Variants in GALNT13 observed in about 807,000 individuals in gnomAD.
GALNT13 encodes UDP-GalNAc:polypeptide N-acetylgalactosaminyltransferase 13.
In GALNT13, 28 loss-of-function variants were observed where a neutral mutation model predicts 64.2. That is an observed-to-expected ratio of 0.44 (90% CI 0.32 to 0.60). The LOEUF (loss-of-function observed/expected upper bound fraction) is 0.60, where lower values mean the gene tolerates loss of function less well. GALNT13 is among the 20% of genes least tolerant of loss of function. The pLI, the probability that GALNT13 is intolerant of heterozygous loss-of-function variation, is 0.05. For synonymous variants in GALNT13, 214 were observed against 224.6 expected (o/e 0.95, Z 0.42); for missense variants, 577 against 669.8 (o/e 0.86, Z 1.53).
the GALNT13 span, among the ~76,000 whole-genome samples, chr2:153,584,283 T>A: frequency 6.6e-6 from 1 of 152,100 alleles, no homozygotes; most frequent in Non-Finnish European, 1.5e-5. Context: ...GCTTGCCTGG[T>A]CCAATTTCAC....
chr2:153,536,880 T>C, the GALNT13 span, among the ~76,000 whole-genome samples: 1 of 152,292 alleles, frequency 6.6e-6, no homozygotes, highest in Non-Finnish European at 1.5e-5. Context: ...ATGATAGAAA[T>C]GTGTAATTAA....
chr2:153,262,086 A>G, the GALNT13 span, among the ~76,000 whole-genome samples: 1 of 152,130 alleles, frequency 6.6e-6, no homozygotes, highest in Non-Finnish European at 1.5e-5. Flanking sequence ...AAGATGCAAG[A>G]CCGAGTCCCC....
At chr2:154,109,848 A>G (rs539449002) in intron 3 of GALNT13, among the ~76,000 whole-genome samples, 1 of 152,080 alleles carries the variant, frequency 6.6e-6, no homozygotes, top group African/African-American at 2.4e-5. Flanking sequence ...ACTTTTAGTA[A>G]GTTGTTGATT....
At chr2:154,208,290 T>C (rs1197594865) in intron 4 of GALNT13, among the ~76,000 whole-genome samples, 1 of 152,200 alleles carries the variant, frequency 6.6e-6, no homozygotes, top group Non-Finnish European at 1.5e-5. Flanking sequence ...TTCTTGTTTT[T>C]TTGAGTCATT....
chr2:153,203,732 T>G, the GALNT13 span, among the ~76,000 whole-genome samples: 1 of 152,202 alleles, frequency 6.6e-6, no homozygotes, highest in Non-Finnish European at 1.5e-5. Context: ...TTAACCTTGT[T>G]AAGTGACTTT....
chr2:153,909,368 A>T (rs1370398109), intron 2 of GALNT13, among the ~76,000 whole-genome samples: 4 of 152,166 alleles, frequency 2.6e-5, no homozygotes, highest in Non-Finnish European at 5.9e-5. Flanking sequence ...ATACAGAAAC[A>T]CATCATCTGC....
the GALNT13 span, among the ~76,000 whole-genome samples, chr2:153,092,713 A>G: frequency 1.3e-5 from 2 of 152,178 alleles, no homozygotes; most frequent in African/African-American, 4.8e-5. Flanking sequence ...GAATTTGTAT[A>G]TCAGTTCTAA....
chr2:153,311,307 T>A, the GALNT13 span, among the ~76,000 whole-genome samples: 2 of 152,168 alleles, frequency 1.3e-5, no homozygotes, highest in Non-Finnish European at 2.9e-5. Flanking sequence ...GGATTTATAC[T>A]TGGAAGACGC....
At chr2:153,413,301 C>T in the GALNT13 span, among the ~76,000 whole-genome samples, 1 of 152,112 alleles carries the variant, frequency 6.6e-6, no homozygotes, top group Admixed American at 6.6e-5. Flanking sequence ...CTTGGGTAGA[C>T]TGTGGAGTGG....
intron 3 of GALNT13, among the ~76,000 whole-genome samples, chr2:154,092,103 C>G (rs1007602533): frequency 1.2e-4 from 15 of 128,896 alleles, no homozygotes; most frequent in African/African-American, 3.8e-4. Flanking sequence ...AAAAAAAAAG[C>G]TATAATTTAG....
rs1265821085 is a variant in GALNT13, at chr2:154,228,508, G to A, written c.312-13522G>A. Among the ~76,000 whole-genome samples, 4 of 152,090 alleles carry A rather than the reference G, an allele frequency of 2.6e-5. No individual in the cohort carries two copies. The South Asian group carries it at 8.3e-4, about 31-fold the overall frequency. ...TTTCTGAAATCGTCCCCTGGATGTG[G>A]TCCCTGCTATTGTTACTGAAACACT... is the stretch of plus-strand genomic sequence containing the variant. On this transcript the variant is annotated intron_variant, in intron 4 of 12. Coordinates refer to ENST00000392825, the MANE Select transcript of GALNT13 (RefSeq NM_052917.4).
At chr2:153,987,461 A>G (rs182379531) in intron 3 of GALNT13, among the ~76,000 whole-genome samples, 19 of 152,082 alleles carry the variant, frequency 1.2e-4, no homozygotes, top group South Asian at 1.0e-3. Context: ...AAATATTATT[A>G]GACTCAATCA....
intron 1 of GALNT13, among the ~76,000 whole-genome samples, chr2:153,879,690 A>G (rs1686650898): frequency 1.3e-5 from 2 of 151,974 alleles, no homozygotes; most frequent in Admixed American, 6.6e-5. Flanking sequence ...GAGCCACAAA[A>G]CTTGAAGTAG....
intron 11 of GALNT13, among the ~76,000 whole-genome samples, chr2:154,421,190 T>A (rs182711255): frequency 2.0e-4 from 31 of 152,204 alleles, no homozygotes; most frequent in Admixed American, 1.4e-3. Context: ...AATATGCAAG[T>A]GAAATGAAGA....
chr2:153,749,751 C>A, the GALNT13 span, among the ~76,000 whole-genome samples: 1 of 151,772 alleles, frequency 6.6e-6, no homozygotes, highest in Non-Finnish European at 1.5e-5. Flanking sequence ...TAGATTTTTT[C>A]AAATATAAGA....
At chr2:153,861,443 G>T in the GALNT13 span, among the ~76,000 whole-genome samples, 1 of 151,960 alleles carries the variant, frequency 6.6e-6, no homozygotes, top group Admixed American at 6.6e-5. Flanking sequence ...GTGTAGACTG[G>T]TGAATGAAAA....
chr2:153,334,340 T>C, the GALNT13 span, among the ~76,000 whole-genome samples: 6 of 152,160 alleles, frequency 3.9e-5, no homozygotes, highest in Admixed American at 3.9e-4. Flanking sequence ...TGAGAATCTA[T>C]CAGTCTAGGA....
At chr2:153,849,166 A>G in the GALNT13 span, among the ~76,000 whole-genome samples, 7 of 152,170 alleles carry the variant, frequency 4.6e-5, no homozygotes, top group Non-Finnish European at 1.0e-4. Flanking sequence ...AAAACTAACA[A>G]TAAGAGAGTA....
At chr2:153,259,258 T>C in the GALNT13 span, among the ~76,000 whole-genome samples, 1 of 151,892 alleles carries the variant, frequency 6.6e-6, no homozygotes, top group East Asian at 1.9e-4. Context: ...CTCTTTTTTG[T>C]TTTCCATTGT....
Sources: gnomAD v4.1 joint callset for allele counts (sites outside exome capture counted in the v4.1 genomes callset) on GRCh38, gnomAD v4.1.1 for gene constraint, MANE v1.5 for transcripts, NCBI Gene and HGNC (gene_info 2026-07-23, HGNC 2026-07-21) for gene names.